The following ARID4A variants were observed in gnomAD, a reference collection of about 807,000 sequenced individuals.
ARID4A encodes the protein AT-rich interaction domain 4A.
In ARID4A, 39 loss-of-function variants were observed where a neutral mutation model predicts 148.6. The observed-to-expected ratio is 0.26, with a 90% CI of 0.20 to 0.34. The LOEUF (loss-of-function observed/expected upper bound fraction) is 0.34. Among genes scored for constraint, ARID4A ranks in the 10% least tolerant of loss-of-function variants. The pLI is 1.00. For missense variants in ARID4A, 1,265 were observed against 1,449.1 expected (o/e 0.87, Z 2.06); for synonymous variants, 475 against 481.2 (o/e 0.99, Z 0.17).
chr14:58,366,737 G>C (rs2035374717), intron 22 of ARID4A, 146 bp from the exon 23 acceptor site: 1 of 546,374 alleles, frequency 1.8e-6, no homozygotes, highest in African/African-American at 2.0e-5. Context: ...CGACTTCCTT[G>C]TTTTCAGTCT....
At chr14:58,358,054 T>C (rs2034963523) in intron 17 of ARID4A, among the ~76,000 whole-genome samples, 1 of 151,648 alleles carries the variant, frequency 6.6e-6, no homozygotes. Context: ...ATACAAAAAT[T>C]AGCTTGGTGC....
chr14:58,313,939 TCACTGGCACATGTGCCAGTTTC>T (rs1348725236), intron 5 of ARID4A, among the ~76,000 whole-genome samples: 8 of 149,962 alleles, frequency 5.3e-5, no homozygotes, highest in South Asian at 4.1e-4. Flanking sequence ...CCCACCTGGT[TCACTGGCACATGTGCCAGTTTC>T]CTCTGGCACA....
At chr14:58,329,051 A>G (rs929643943) in intron 9 of ARID4A, among the ~76,000 whole-genome samples, 106 of 152,150 alleles carry the variant, frequency 7.0e-4, no homozygotes, top group African/African-American at 2.5e-3. Context: ...CTGCTTTGTG[A>G]TCAAAACAGT....
intron 19 of ARID4A, among the ~76,000 whole-genome samples, chr14:58,362,306 AGGCTGAGTGCAGT>A: frequency 6.6e-6 from 1 of 152,082 alleles, no homozygotes; most frequent in Middle Eastern, 3.2e-3. Flanking sequence ...AAGAAATTTT[AGGCTGAGTGCAGT>A]GGTTCATGCC....
At chr14:58,341,685 CAT>C (rs1313770114) in intron 11 of ARID4A, among the ~76,000 whole-genome samples, 3 of 152,140 alleles carry the variant, frequency 2.0e-5, no homozygotes, top group African/African-American at 2.4e-5. Flanking sequence ...AATCTGAAGA[CAT>C]GTGCCTAAAG....
At chr14:58,338,352 C>T in intron 11 of ARID4A, among the ~76,000 whole-genome samples, 1 of 152,116 alleles carries the variant, frequency 6.6e-6, no homozygotes, top group South Asian at 2.1e-4. Context: ...AAAATGTAAG[C>T]AGCTATTGGA....
intron 5 of ARID4A, among the ~76,000 whole-genome samples, chr14:58,307,145 C>T (rs1448726500): frequency 6.6e-6 from 1 of 152,208 alleles, no homozygotes; most frequent in Non-Finnish European, 1.5e-5. Flanking sequence ...CTGTGGATAA[C>T]ATCCAATCTA....
chr14:58,324,712 A>G (rs1258479736), intron 8 of ARID4A, among the ~76,000 whole-genome samples: 2 of 152,146 alleles, frequency 1.3e-5, no homozygotes, highest in African/African-American at 2.4e-5. Flanking sequence ...CTGGCTCTCA[A>G]TTTATTTCCT....
At chr14:58,347,495 T>C in intron 14 of ARID4A, 152 bp from the exon 15 acceptor site, 2 of 604,780 alleles carry the variant, frequency 3.3e-6, no homozygotes, top group Non-Finnish European at 5.5e-6. Flanking sequence ...TATGATTCTA[T>C]CTAAAACACC....
In ARID4A at chr14:58,323,619, T is replaced by G; in HGVS notation, c.582+2T>G. The G allele has an allele frequency of 6.2e-7, 1 of 1,611,350 alleles. No individual in the cohort carries two copies. Among genetic ancestry groups the G allele is most frequent in the Middle Eastern group, 1.7e-4 (1 of 6,048 alleles). ...AGGACTGAATGGTATCCTGCTTTGG[T>G]AAGTAAAGTTTCTTTGCAGAGTTAA... On this transcript the variant is annotated splice_donor_variant, in intron 8 of 23. Transcript: ENST00000355431. LOFTEE classifies it high-confidence loss of function.
At chr14:58,334,479 T>TA (rs963494837) in intron 11 of ARID4A, among the ~76,000 whole-genome samples, 2 of 152,214 alleles carry the variant, frequency 1.3e-5, no homozygotes, top group African/African-American at 4.8e-5. Flanking sequence ...CAGGAAAGAA[T>TA]AGTACCACTC....
Position 58,302,453 on chromosome 14 carries a change from C to T in ARID4A, c.117+763C>T, listed in dbSNP as rs2031254168. Among the ~76,000 whole-genome samples, 7 of 152,182 alleles carry T rather than the reference C, an allele frequency of 4.6e-5. No homozygotes were observed. The South Asian group carries it at 1.5e-3, about 32-fold the overall frequency. On this transcript the variant is annotated intron_variant, in intron 3 of 23. Coordinates refer to ENST00000355431, the MANE Select transcript of ARID4A (RefSeq NM_002892.4). ...AGGTTGCAGTGAGCCAAGATCATGC[C>T]GTTGCACTCCAGCCTGGGTAACAGA...
intron 5 of ARID4A, among the ~76,000 whole-genome samples, chr14:58,310,212 G>A (rs970768481): frequency 8.0e-5 from 12 of 149,402 alleles, no homozygotes; most frequent in African/African-American, 2.2e-4. Context: ...GATTCCTGGA[G>A]TTTTTTTTTG....
chr14:58,349,980 GCGC>G (rs1247344719), intron 15 of ARID4A, among the ~76,000 whole-genome samples: 2 of 149,524 alleles, frequency 1.3e-5, no homozygotes, highest in Admixed American at 1.3e-4. Flanking sequence ...ATGGTGGTGC[GCGC>G]CTGTAGTCCC....
At chr14:58,325,321 G>A (rs569591649) in intron 8 of ARID4A, among the ~76,000 whole-genome samples, 1 of 152,082 alleles carries the variant, frequency 6.6e-6, no homozygotes, top group Admixed American at 6.5e-5. Context: ...GATCTTTGTT[G>A]CCCAGACTGG....
intron 11 of ARID4A, among the ~76,000 whole-genome samples, chr14:58,333,330 A>G (rs1413780273): frequency 1.3e-5 from 2 of 152,074 alleles, no homozygotes; most frequent in African/African-American, 4.8e-5. Context: ...GTCCATGTAA[A>G]CATAAGTAAT....
Position 58,372,494 on chromosome 14 carries a change from A to C in ARID4A, c.*505A>C. The C allele has an allele frequency of 4.4e-6, 1 of 225,460 alleles. No homozygotes were observed. The highest frequency in any genetic ancestry group is 8.8e-6 in the Non-Finnish European group (1 of 113,416). The allele number at this position is 225,460 out of a possible 1,614,324, so 14.0% of individuals were successfully genotyped here. On this transcript the variant is annotated 3_prime_UTR_variant, in exon 24 of 24. Transcript: ENST00000355431. ...ACTTGCTATTTAGAACTGCCAAAGTATATGTTCAGCAGTGTGCCCAGGATT... is the reference window on the plus strand; with the variant it reads ...ACTTGCTATTTAGAACTGCCAAAGTCTATGTTCAGCAGTGTGCCCAGGATT...
At chr14:58,370,888 G>A (rs1044403195) in intron 23 of ARID4A, among the ~76,000 whole-genome samples, 1 of 152,128 alleles carries the variant, frequency 6.6e-6, no homozygotes, top group Non-Finnish European at 1.5e-5. Flanking sequence ...TGAGATTATA[G>A]GCATGAGCCA....
intron 8 of ARID4A, among the ~76,000 whole-genome samples, chr14:58,324,531 T>G (rs540385500): frequency 6.6e-6 from 1 of 152,308 alleles, no homozygotes; most frequent in Non-Finnish European, 1.5e-5. Context: ...TCTTCTCACT[T>G]TGGCCTCCCA....
Sources: allele counts gnomAD v4.1 joint callset (sites outside exome capture counted in the v4.1 genomes callset), GRCh38; gene constraint gnomAD v4.1.1; transcripts MANE v1.5; gene names NCBI Gene and HGNC (gene_info 2026-07-23, HGNC 2026-07-21).